LRRC4C: variants seen among roughly 807,000 people sequenced by gnomAD.
The protein encoded by LRRC4C is leucine-rich repeat-containing protein 4C.
In LRRC4C, 5 loss-of-function variants were observed where a neutral mutation model predicts 33.6. That is an observed-to-expected ratio of 0.15 (90% CI 0.08 to 0.31). The LOEUF (loss-of-function observed/expected upper bound fraction) is 0.31, where lower values mean the gene tolerates loss of function less well. LRRC4C is among the 10% of genes least tolerant of loss of function. The pLI is 1.00. For missense variants in LRRC4C, 560 were observed against 796.7 expected (o/e 0.70, Z 3.58); for synonymous variants, 329 against 302.0 (o/e 1.09, Z -0.93).
intron 2 of LRRC4C, among the ~76,000 whole-genome samples, chr11:40,716,913 A>G (rs1432437722): frequency 6.6e-6 from 1 of 152,154 alleles, no homozygotes; most frequent in Non-Finnish European, 1.5e-5. Context: ...GTGTCTGCCA[A>G]CAGTGAAGTA....
chr11:40,258,952 G>A (rs560346395), intron 4 of LRRC4C, among the ~76,000 whole-genome samples: 1 of 152,244 alleles, frequency 6.6e-6, no homozygotes, highest in Admixed American at 6.5e-5. Context: ...ATGATAAATA[G>A]CTAAATGGCA....
At chr11:40,409,014 A>G (rs193264961) in intron 3 of LRRC4C, among the ~76,000 whole-genome samples, 3 of 152,176 alleles carry the variant, frequency 2.0e-5, no homozygotes, top group Admixed American at 1.3e-4. Flanking sequence ...AATATACTGT[A>G]AAGCTACAGC....
chr11:41,279,381 AACACAC>A (rs575973002), intron 1 of LRRC4C, among the ~76,000 whole-genome samples: 5,823 of 126,374 alleles, frequency 0.046, 269 homozygotes, highest in African/African-American at 0.13. Context: ...CACACACACA[AACACAC>A]ACACACACAC....
In LRRC4C at chr11:40,154,310, G is replaced by A. The variant is rs76255547; in HGVS notation, c.-95-13457C>T. On this transcript the variant is annotated intron_variant, in intron 5 of 6. Transcript: ENST00000528697. ...AGCAAAAAAAAAAAAAAAACAAAAA[G>A]CAAAGTACACAGGCAACAAAGAACA... Among the ~76,000 whole-genome samples, 587 of 133,512 alleles carry A rather than the reference G, an allele frequency of 4.4e-3. 4 individuals carry two copies. Among genetic ancestry groups the A allele is most frequent in the African/African-American group, 0.015 (529 of 34,792 alleles). 87.6% of individuals were successfully genotyped at this position (133,512 alleles called of 152,430 possible).
intron 4 of LRRC4C, among the ~76,000 whole-genome samples, chr11:40,263,801 C>T (rs1359998968): frequency 1.3e-5 from 2 of 152,132 alleles, no homozygotes; most frequent in African/African-American, 4.8e-5. Context: ...AGGTGACATT[C>T]TTTAAACGAA....
chr11:40,819,012 C>T (rs1462251144), intron 2 of LRRC4C, among the ~76,000 whole-genome samples: 3 of 152,052 alleles, frequency 2.0e-5, no homozygotes, highest in Middle Eastern at 3.2e-3. Flanking sequence ...CTGAAATTTT[C>T]AGTTTTAGGA....
At chr11:40,188,017 T>C (rs1394626879) in intron 5 of LRRC4C, among the ~76,000 whole-genome samples, 1 of 152,048 alleles carries the variant, frequency 6.6e-6, no homozygotes, top group Non-Finnish European at 1.5e-5. Context: ...TTTAAAGATC[T>C]ACTGTTTAAG....
At chr11:40,147,485 G>C (rs988750880) in intron 5 of LRRC4C, among the ~76,000 whole-genome samples, 6 of 151,938 alleles carry the variant, frequency 3.9e-5, no homozygotes, top group Non-Finnish European at 8.8e-5. Context: ...ACTTCCTCCA[G>C]CACTGATAGC....
chr11:41,356,334 T>G (rs1591340382), intron 1 of LRRC4C, among the ~76,000 whole-genome samples: 1 of 152,186 alleles, frequency 6.6e-6, no homozygotes, highest in East Asian at 1.9e-4. Context: ...TTGTAAAAAT[T>G]ACAAAAAAAG....
chr11:40,140,470 A>G (rs1857286626), intron 6 of LRRC4C, among the ~76,000 whole-genome samples: 1 of 152,144 alleles, frequency 6.6e-6, no homozygotes, highest in South Asian at 2.1e-4. Context: ...ATATGACTGA[A>G]TGAGGAGGCA....
chr11:41,264,110 TGAG>T (rs1949071580), intron 1 of LRRC4C, among the ~76,000 whole-genome samples: 1 of 149,304 alleles, frequency 6.7e-6, no homozygotes, highest in African/African-American at 2.5e-5. Context: ...TTTTTTTTTT[TGAG>T]ATGGAGTCTC....
intron 3 of LRRC4C, among the ~76,000 whole-genome samples, chr11:40,407,880 GC>G (rs1565358597): frequency 6.6e-6 from 1 of 151,910 alleles, no homozygotes; most frequent in East Asian, 1.9e-4. Flanking sequence ...AAAAGAATTG[GC>G]AAAGAGAATG....
chr11:40,750,364 A>G (rs910754305), intron 2 of LRRC4C, among the ~76,000 whole-genome samples: 3 of 152,136 alleles, frequency 2.0e-5, no homozygotes, highest in African/African-American at 7.2e-5. Context: ...TGAAGCCAGC[A>G]TTACCCTGAT....
At chr11:40,424,479 C>T (rs1590692789) in intron 3 of LRRC4C, among the ~76,000 whole-genome samples, 2 of 152,092 alleles carry the variant, frequency 1.3e-5, no homozygotes, top group Non-Finnish European at 2.9e-5. Flanking sequence ...TTACAGATTC[C>T]TTTACAGTTA....
intron 5 of LRRC4C, among the ~76,000 whole-genome samples, chr11:40,180,790 A>G (rs1352053479): frequency 6.6e-6 from 1 of 152,236 alleles, no homozygotes; most frequent in East Asian, 1.9e-4. Context: ...CATTCGCTAT[A>G]GCATATAAGT....
At chr11:40,846,076 T>C (rs1953149772) in intron 2 of LRRC4C, among the ~76,000 whole-genome samples, 1 of 151,886 alleles carries the variant, frequency 6.6e-6, no homozygotes, top group Non-Finnish European at 1.5e-5. Flanking sequence ...GTCTGGATAT[T>C]AGCCCTCTGT....
intron 3 of LRRC4C, among the ~76,000 whole-genome samples, chr11:40,355,589 G>T (rs998899794): frequency 6.6e-6 from 1 of 152,076 alleles, no homozygotes; most frequent in African/African-American, 2.4e-5. Context: ...GTTGCTTTTT[G>T]CTGTGACAGG....
At chr11:40,583,854 C>A (rs1455840834) in intron 3 of LRRC4C, among the ~76,000 whole-genome samples, 1 of 151,494 alleles carries the variant, frequency 6.6e-6, no homozygotes, top group Non-Finnish European at 1.5e-5. Context: ...AATATGCAAG[C>A]AGGACGCATA....
chr11:40,370,098 T>G (rs767332596), intron 3 of LRRC4C, among the ~76,000 whole-genome samples: 12 of 152,164 alleles, frequency 7.9e-5, no homozygotes, highest in Admixed American at 3.9e-4. Flanking sequence ...CCCTTTAGAA[T>G]TCCTCTATCT....
Sources: allele counts gnomAD v4.1 joint callset (sites outside exome capture counted in the v4.1 genomes callset), GRCh38; gene constraint gnomAD v4.1.1; transcripts MANE v1.5; gene names NCBI Gene and HGNC (gene_info 2026-07-23, HGNC 2026-07-21).